The following SLC9A9 variants were observed in gnomAD, a reference collection of about 807,000 sequenced individuals.
SLC9A9 encodes sodium/hydrogen exchanger 9.
SLC9A9 carries 62 observed loss-of-function variants against 77.8 expected under a neutral mutation model. That is an observed-to-expected ratio of 0.80 (90% CI 0.65 to 0.98). The LOEUF is 0.98. SLC9A9 is among the 50% of genes least tolerant of loss of function. SLC9A9 has a pLI of 0.00. For synonymous variants in SLC9A9, 320 were observed against 283.5 expected (o/e 1.13, Z -1.29); for missense variants, 775 against 774.9 (o/e 1.00, Z 0.00).
chr3:143,705,491 G>A (rs545000666), intron 4 of SLC9A9, among the ~76,000 whole-genome samples: 1 of 152,234 alleles, frequency 6.6e-6, no homozygotes, highest in East Asian at 1.9e-4. Flanking sequence ...AATGTTTGAG[G>A]TGATGGATAC....
chr3:143,274,491 G>A (rs1056524334), intron 14 of SLC9A9, among the ~76,000 whole-genome samples: 4 of 152,152 alleles, frequency 2.6e-5, no homozygotes, highest in Non-Finnish European at 4.4e-5. Flanking sequence ...TGTTGGGGAA[G>A]AAAGGCTGGA....
At chr3:143,540,496 G>A (rs1254982678) in intron 9 of SLC9A9, among the ~76,000 whole-genome samples, 1 of 152,150 alleles carries the variant, frequency 6.6e-6, no homozygotes, top group Non-Finnish European at 1.5e-5. Flanking sequence ...CTGTTAAGGG[G>A]ACAGGGAAGA....
intron 4 of SLC9A9, among the ~76,000 whole-genome samples, chr3:143,727,032 G>GA (rs35861985): frequency 0.9 from 137,278 of 151,710 alleles, 62,160 homozygotes; most frequent in East Asian, 1. Flanking sequence ...TTAGTAAATT[G>GA]AAAAAAAATT....
At chr3:143,697,400 G>A (rs13095792) in intron 4 of SLC9A9, among the ~76,000 whole-genome samples, 7,959 of 152,000 alleles carry the variant, frequency 0.052, 294 homozygotes, top group Non-Finnish European at 0.073. Context: ...TTAAATAATA[G>A]CCATAATAAA....
chr3:143,665,362 A>T (rs1266788075), intron 5 of SLC9A9, among the ~76,000 whole-genome samples: 1 of 152,248 alleles, frequency 6.6e-6, no homozygotes, highest in Admixed American at 6.5e-5. Context: ...TTATAGCACT[A>T]AATGCCCACA....
At chr3:143,800,001 T>G (rs1395919667) in intron 2 of SLC9A9, among the ~76,000 whole-genome samples, 1 of 152,208 alleles carries the variant, frequency 6.6e-6, no homozygotes, top group African/African-American at 2.4e-5. Context: ...AATACTCTTT[T>G]AAGCACTCCT....
chr3:143,835,236 A>G (rs956627968), intron 1 of SLC9A9, among the ~76,000 whole-genome samples: 4 of 152,222 alleles, frequency 2.6e-5, no homozygotes, highest in Admixed American at 2.0e-4. Context: ...TGTGCAATGA[A>G]TCTCTTTCTA....
chr3:143,374,270 A>T (rs1267635449), intron 13 of SLC9A9, among the ~76,000 whole-genome samples: 1 of 151,834 alleles, frequency 6.6e-6, no homozygotes, highest in African/African-American at 2.4e-5. Context: ...CTGAAAATAT[A>T]AAAAATTAGC....
At chr3:143,507,408 C>T (rs2036041545) in intron 9 of SLC9A9, among the ~76,000 whole-genome samples, 1 of 152,036 alleles carries the variant, frequency 6.6e-6, no homozygotes, top group South Asian at 2.1e-4. Context: ...GGGGTTTCAC[C>T]ATGTTAGCCA....
intron 2 of SLC9A9, among the ~76,000 whole-genome samples, chr3:143,814,550 T>G (rs1405917401): frequency 6.6e-6 from 1 of 152,162 alleles, no homozygotes; most frequent in African/African-American, 2.4e-5. Flanking sequence ...GGCTGCCAGG[T>G]TTAGCAATCC....
chr3:143,445,029 G>A (rs868605636), intron 12 of SLC9A9, among the ~76,000 whole-genome samples: 5 of 152,150 alleles, frequency 3.3e-5, no homozygotes, highest in South Asian at 2.1e-4. Flanking sequence ...TTCCTCTGCT[G>A]TGATCTTCTC....
At chr3:143,477,330 ATTTTTTT>A (rs59195338) in intron 11 of SLC9A9, among the ~76,000 whole-genome samples, 2 of 100,000 alleles carry the variant, frequency 2.0e-5, no homozygotes, top group African/African-American at 7.5e-5. Flanking sequence ...GGCTTCTTCA[ATTTTTTT>A]TTTTTTTTTT....
chr3:143,421,080 G>C (rs1433034153), intron 12 of SLC9A9, among the ~76,000 whole-genome samples: 1 of 152,058 alleles, frequency 6.6e-6, no homozygotes, highest in Admixed American at 6.6e-5. Context: ...TCTAACCAAG[G>C]AGGTGAGGTG....
intron 12 of SLC9A9, among the ~76,000 whole-genome samples, chr3:143,428,083 G>A (rs2034438030): frequency 1.3e-5 from 2 of 152,070 alleles, no homozygotes. Flanking sequence ...TAGACAAATA[G>A]GATTACATCA....
intron 12 of SLC9A9, among the ~76,000 whole-genome samples, chr3:143,419,594 T>G (rs947203440): frequency 9.2e-5 from 14 of 152,132 alleles, no homozygotes; most frequent in Admixed American, 2.0e-4. Flanking sequence ...GTACCATCCA[T>G]CCAGCCAGCT....
intron 14 of SLC9A9, among the ~76,000 whole-genome samples, chr3:143,339,735 T>A (rs1418723406): frequency 2.0e-5 from 3 of 152,160 alleles, no homozygotes; most frequent in Non-Finnish European, 1.5e-5. Context: ...TCACGTCTAC[T>A]CTGATAGTTT....
At chr3:143,719,881 C>T (rs147020591) in intron 4 of SLC9A9, among the ~76,000 whole-genome samples, 1,582 of 152,194 alleles carry the variant, frequency 0.01, 27 homozygotes, top group African/African-American at 0.035. Flanking sequence ...CAATCGGAGT[C>T]AGAGGCCTTC....
chr3:143,535,797 T>A (rs1423979997), intron 9 of SLC9A9, among the ~76,000 whole-genome samples: 1 of 152,214 alleles, frequency 6.6e-6, no homozygotes, highest in Admixed American at 6.5e-5. Context: ...TACTCCATTA[T>A]ATATAAAATG....
At position 143,652,325 on chromosome 3, in the gene SLC9A9, C is replaced by A. The variant is rs199542427; in HGVS notation, c.685G>T (p.Asp229Tyr). The change falls in exon 6 of 16, where the codon GAC (aspartate) becomes TAC (tyrosine). Residue 229 changes from aspartate (D) to tyrosine (Y), a missense_variant. By Grantham distance (160) the Asp-to-Tyr change is radical. Transcript: ENST00000316549. ...VLAIFHELHV[D>Y]PDLYTLLFGE... ...AACAAGAGTGTGTACAGGTCAGGGT[C>A]GACGTGCAGTTCATGGAAAATGGCC... 6.2e-7 allele frequency: 1 copy of A among 1,613,104 alleles called. No individual in the cohort carries two copies. The highest frequency in any genetic ancestry group is 1.7e-5 in the Admixed American group (1 of 59,906).
Sources: allele counts gnomAD v4.1 joint callset (sites outside exome capture counted in the v4.1 genomes callset), GRCh38; gene constraint gnomAD v4.1.1; transcripts MANE v1.5; gene names NCBI Gene and HGNC (gene_info 2026-07-23, HGNC 2026-07-21).